Variants in CFAP44 observed in about 807,000 individuals in gnomAD.
The protein encoded by CFAP44 is cilia and flagella associated protein 44.
In CFAP44, 134 loss-of-function variants were observed where a neutral mutation model predicts 216.2. The observed-to-expected ratio is 0.62, with a 90% CI of 0.54 to 0.72. The LOEUF is 0.72. CFAP44 is among the 30% of genes least tolerant of loss of function. CFAP44 has a pLI of 0.00. For synonymous variants in CFAP44, 700 were observed against 727.6 expected, an observed-to-expected ratio of 0.96 and a Z score of 0.61; for missense variants, 2,035 against 2,182.1, an observed-to-expected ratio of 0.93 and a Z score of 1.34.
intron 14 of CFAP44, among the ~76,000 whole-genome samples, chr3:113,396,215 C>T (rs1404720455): frequency 6.6e-6 from 1 of 152,152 alleles, no homozygotes; most frequent in Non-Finnish European, 1.5e-5. Flanking sequence ...GAATAAAATA[C>T]TGATTATAAA....
intron 17 of CFAP44, among the ~76,000 whole-genome samples, chr3:113,377,895 C>A (rs1037162421): frequency 6.6e-6 from 1 of 152,170 alleles, no homozygotes; most frequent in African/African-American, 2.4e-5. Context: ...TCGTGATCCA[C>A]CCGCCTCGGC....
At chr3:113,407,558 T>G (rs1934321209) in intron 7 of CFAP44, among the ~76,000 whole-genome samples, 1 of 152,192 alleles carries the variant, frequency 6.6e-6, no homozygotes, top group Non-Finnish European at 1.5e-5. Flanking sequence ...TTTGAGCACT[T>G]TTCTAGATCA....
At chr3:113,375,612 T>C (rs1011418799) in intron 17 of CFAP44, among the ~76,000 whole-genome samples, 1 of 152,092 alleles carries the variant, frequency 6.6e-6, no homozygotes, top group Admixed American at 6.6e-5. Context: ...TGAAGAGATA[T>C]GTTGAAATTT....
intron 19 of CFAP44, among the ~76,000 whole-genome samples, chr3:113,365,789 A>C (rs1316608330): frequency 6.6e-6 from 1 of 152,164 alleles, no homozygotes; most frequent in Non-Finnish European, 1.5e-5. Flanking sequence ...CAAACTTTTA[A>C]CTACATAGAA....
intron 22 of CFAP44, among the ~76,000 whole-genome samples, chr3:113,357,709 T>C (rs950089204): frequency 6.6e-6 from 1 of 152,162 alleles, no homozygotes; most frequent in African/African-American, 2.4e-5. Flanking sequence ...TGGGGATCAA[T>C]TGGGATTCTC....
Position 113,330,364 on chromosome 3 carries a change from A to G in CFAP44, c.3920T>C (p.Leu1307Pro). 6.5e-7 allele frequency: 1 copy of G among 1,537,322 alleles called. No homozygotes were observed. Among genetic ancestry groups the G allele is most frequent in the Non-Finnish European group, 8.7e-7 (1 of 1,146,908 alleles). Residue 1307 changes from leucine to proline, a missense_variant, in exon 26 of 35, where the codon CTC (leucine) becomes CCC (proline). Leu to Pro is a moderately conservative substitution (Grantham distance 98, BLOSUM62 -3). Around this residue, in one of 3 missense-constraint regions of CFAP44, gnomAD observed 1,883 missense variants for 2,023.7 expected, o/e 0.93. Coordinates refer to ENST00000393845, the MANE Select transcript of CFAP44 (RefSeq NM_001164496.2). The stretch of plus-strand genomic sequence containing the variant: ...CCCATCCTTTCTAGAAGAGAGTTTG[A>G]GGAATCCTCCAACTGGGCCTCCAGA... ...TGSGGPVGGF[L>P]KLSSRKDGDL...
At chr3:113,360,028 A>G (rs553998194) in intron 21 of CFAP44, among the ~76,000 whole-genome samples, 3 of 152,238 alleles carry the variant, frequency 2.0e-5, no homozygotes, top group South Asian at 2.1e-4. Context: ...GCTAAGTACA[A>G]TAAGAGTTGA....
In CFAP44 at chr3:113,294,682, C is replaced by T. The variant is rs1305429481; in HGVS notation, c.5373+5G>A. On this transcript the variant is annotated splice_donor_5th_base_variant and intron_variant, in intron 34 of 34. Transcript: ENST00000393845. ...CGAAAAAGGGTCTGAAGGTAAAGAA[C>T]ATACCTGCTGATTCTGTAGTGTATT... is the stretch of plus-strand genomic sequence containing the variant. 2 of 1,522,552 alleles carry T rather than the reference C, an allele frequency of 1.3e-6. No homozygotes were observed. Among genetic ancestry groups the T allele is most frequent in the Admixed American group, 2.1e-5 (1 of 47,482 alleles). 94.3% of individuals were successfully genotyped at this position (1,522,552 alleles called of 1,614,324 possible).
intron 23 of CFAP44, among the ~76,000 whole-genome samples, chr3:113,343,448 T>C (rs1258756553): frequency 1.3e-5 from 2 of 152,244 alleles, no homozygotes; most frequent in Non-Finnish European, 2.9e-5. Flanking sequence ...GATATTTATA[T>C]AGTTATAAAT....
chr3:113,407,451 T>A (rs576786082), intron 7 of CFAP44, among the ~76,000 whole-genome samples: 1 of 152,228 alleles, frequency 6.6e-6, no homozygotes, highest in Admixed American at 6.5e-5. Context: ...TTAGACAGCA[T>A]AGAACATTCC....
chr3:113,353,051 G>A (rs540430777), intron 22 of CFAP44, among the ~76,000 whole-genome samples: 10 of 152,300 alleles, frequency 6.6e-5, no homozygotes, highest in African/African-American at 2.2e-4. Flanking sequence ...AAGGACGGTA[G>A]GGAGGCAGAG....
intron 34 of CFAP44, chr3:113,294,404 T>C: frequency 2.6e-6 from 1 of 381,650 alleles, no homozygotes; most frequent in South Asian, 3.4e-5. Context: ...GTGTCGTTAT[T>C]CATACCTAAG....
chr3:113,397,095 A>G (rs1016437558), intron 13 of CFAP44: 6 of 198,836 alleles, frequency 3.0e-5, no homozygotes, highest in Non-Finnish European at 5.2e-5. Flanking sequence ...GAAATTGTGA[A>G]CTGAAATAAG....
intron 32 of CFAP44, among the ~76,000 whole-genome samples, chr3:113,297,811 G>T (rs954483216): frequency 1.3e-5 from 2 of 152,350 alleles, no homozygotes; most frequent in African/African-American, 4.8e-5. Context: ...CCTAAGAGAA[G>T]TTTGAAGGCC....
intron 15 of CFAP44, among the ~76,000 whole-genome samples, chr3:113,389,063 G>A (rs149684089): frequency 1.3e-5 from 2 of 152,258 alleles, no homozygotes; most frequent in East Asian, 3.9e-4. Context: ...TCCAATGGCT[G>A]CAGAATACAC....
intron 6 of CFAP44, 46 bp downstream of exon 6, chr3:113,416,476 ATGT>A (rs1270075998): frequency 2.9e-6 from 4 of 1,401,690 alleles, no homozygotes; most frequent in African/African-American, 1.4e-5. Flanking sequence ...CTTCTTCAGA[ATGT>A]TGTTATCCTT....
chr3:113,433,589 T>A lies in CFAP44; in HGVS notation c.76A>T (p.Arg26Trp). 6.2e-7 allele frequency: 1 copy of A among 1,612,890 alleles called. No individual in the cohort carries two copies. Among genetic ancestry groups the A allele is most frequent in the Non-Finnish European group, 8.5e-7 (1 of 1,179,672 alleles). Reference protein sequence around the residue: ...TSKSDGKKSLRSSKSESRSPV... With the variant: ...TSKSDGKKSLWSSKSESRSPV... ...CATCTTGATTCTGATTTAGAAGACC[T>A]CAGAGACTTCTTCCCATCACTCTTT... is the stretch of plus-strand genomic sequence containing the variant. Residue 26 changes from arginine to tryptophan, a missense_variant, in exon 2 of 35, where the codon AGG becomes TGG. Physicochemically the swap from Arg to Trp is moderately radical, Grantham distance 101. This residue lies in a region of CFAP44 where 149 missense variants were observed against 141.8 expected (regional missense o/e 1.05). Coordinates refer to ENST00000393845, the MANE Select transcript of CFAP44 (RefSeq NM_001164496.2).
intron 29 of CFAP44, among the ~76,000 whole-genome samples, chr3:113,307,246 C>T (rs898731217): frequency 4.6e-5 from 7 of 152,168 alleles, no homozygotes; most frequent in African/African-American, 1.7e-4. Flanking sequence ...AAGGGAGATT[C>T]CTGTAAAATA....
At chr3:113,407,951 T>C (rs1934333191) in intron 7 of CFAP44, among the ~76,000 whole-genome samples, 1 of 152,154 alleles carries the variant, frequency 6.6e-6, no homozygotes, top group Non-Finnish European at 1.5e-5. Flanking sequence ...TCCCCAAAGA[T>C]ATGGGGCATA....
Sources: gnomAD v4.1 joint callset for allele counts (sites outside exome capture counted in the v4.1 genomes callset) on GRCh38, gnomAD v4.1.1 for gene constraint, gnomAD v4.1.1 regional missense constraint, MANE v1.5 for transcripts, NCBI Gene and HGNC (gene_info 2026-07-23, HGNC 2026-07-21) for gene names.